PDE4B: variants seen among roughly 807,000 people sequenced by gnomAD.
PDE4B encodes phosphodiesterase 4B, also known as 3',5'-cyclic-AMP phosphodiesterase 4B.
PDE4B carries 20 observed loss-of-function variants against 82.2 expected under a neutral mutation model. The observed-to-expected ratio is 0.24, with a 90% CI of 0.17 to 0.35. The LOEUF (loss-of-function observed/expected upper bound fraction) is 0.35, where lower values mean the gene tolerates loss of function less well. Among genes scored for constraint, PDE4B ranks in the 10% least tolerant of loss-of-function variants. The pLI is 1.00. For missense variants in PDE4B, 655 were observed against 907.2 expected (o/e 0.72, Z 3.57); for synonymous variants, 320 against 318.9 (o/e 1.00, Z -0.04).
intron 1 of PDE4B, among the ~76,000 whole-genome samples, chr1:65,799,838 T>C (rs2101158898): frequency 6.6e-6 from 1 of 152,292 alleles, no homozygotes; most frequent in Admixed American, 6.5e-5. Context: ...CAGTGCTTGC[T>C]CTCTCCTCCC....
intron 13 of PDE4B, among the ~76,000 whole-genome samples, chr1:66,367,140 C>G (rs1208408361): frequency 1.3e-5 from 2 of 151,996 alleles, no homozygotes; most frequent in African/African-American, 2.4e-5. Flanking sequence ...AGAATTGTTC[C>G]CAAAAAGTAG....
chr1:66,304,031 C>A (rs1451919789), intron 7 of PDE4B, among the ~76,000 whole-genome samples: 1 of 152,124 alleles, frequency 6.6e-6, no homozygotes, highest in Non-Finnish European at 1.5e-5. Context: ...AGATGATGAG[C>A]AAGACCTAGG....
chr1:65,961,643 A>T (rs1249118349), intron 3 of PDE4B, among the ~76,000 whole-genome samples: 4 of 152,176 alleles, frequency 2.6e-5, no homozygotes, highest in Non-Finnish European at 4.4e-5. Context: ...TGGTGAGGCA[A>T]CGGTTTGTCT....
intron 3 of PDE4B, among the ~76,000 whole-genome samples, chr1:66,026,777 C>A (rs2100784412): frequency 6.6e-6 from 1 of 152,268 alleles, no homozygotes; most frequent in East Asian, 1.9e-4. Flanking sequence ...AGACTTTGGT[C>A]ACAAAACAAA....
chr1:66,278,470 T>TGCAAGGCTATGTG (rs1656054123), intron 7 of PDE4B, among the ~76,000 whole-genome samples: 1 of 152,178 alleles, frequency 6.6e-6, no homozygotes, highest in Non-Finnish European at 1.5e-5. Context: ...TATGTGACTA[T>TGCAAGGCTATGTG]CTCTCTGGAA....
At chr1:65,828,424 T>C (rs991658436) in intron 1 of PDE4B, among the ~76,000 whole-genome samples, 3 of 151,998 alleles carry the variant, frequency 2.0e-5, no homozygotes, top group Non-Finnish European at 4.4e-5. Context: ...TTTTGTATTT[T>C]TAGTAGAGAC....
intron 3 of PDE4B, among the ~76,000 whole-genome samples, chr1:65,943,466 T>G (rs200260949): frequency 1.3e-5 from 2 of 152,026 alleles, no homozygotes; most frequent in East Asian, 3.9e-4. Flanking sequence ...TTGCTTAAGA[T>G]TGCTTTAGCT....
chr1:66,244,662 T>C (rs949136344), intron 3 of PDE4B, among the ~76,000 whole-genome samples: 12 of 152,192 alleles, frequency 7.9e-5, no homozygotes, highest in Non-Finnish European at 1.8e-4. Flanking sequence ...TGTACATCTG[T>C]GTTGGTTGCT....
chr1:66,334,658 C>T (rs988372641), intron 8 of PDE4B, among the ~76,000 whole-genome samples: 1 of 152,210 alleles, frequency 6.6e-6, no homozygotes, highest in Admixed American at 6.5e-5. Flanking sequence ...TCAGGGAAAG[C>T]AATTATTTAG....
chr1:65,830,780 A>G (rs750246312), intron 1 of PDE4B, among the ~76,000 whole-genome samples: 28 of 152,152 alleles, frequency 1.8e-4, no homozygotes, highest in Non-Finnish European at 3.5e-4. Context: ...TGGACATACT[A>G]GTGAAATTTG....
intron 1 of PDE4B, among the ~76,000 whole-genome samples, chr1:65,820,071 T>C (rs1335792564): frequency 6.6e-6 from 1 of 152,190 alleles, no homozygotes; most frequent in Non-Finnish European, 1.5e-5. Flanking sequence ...GTTTTCAGAT[T>C]TAATCAAACT....
intron 1 of PDE4B, among the ~76,000 whole-genome samples, chr1:65,895,748 A>G (rs1646902542): frequency 6.6e-6 from 1 of 151,338 alleles, no homozygotes; most frequent in African/African-American, 2.4e-5. Context: ...CTAATTTCCC[A>G]TTAGGCATTA....
chr1:66,112,012 T>A (rs910143918), intron 3 of PDE4B, among the ~76,000 whole-genome samples: 13 of 152,100 alleles, frequency 8.5e-5, no homozygotes, highest in African/African-American at 2.9e-4. Flanking sequence ...ACCTTTGCAT[T>A]TTGTTCAAGG....
chr1:66,217,592 G>A (rs1650567152), intron 3 of PDE4B, among the ~76,000 whole-genome samples: 1 of 152,126 alleles, frequency 6.6e-6, no homozygotes, highest in Non-Finnish European at 1.5e-5. Context: ...GATGGAAAAT[G>A]GATTGGAGGG....
chr1:66,116,840 C>T (rs538497), intron 3 of PDE4B, among the ~76,000 whole-genome samples: 69,536 of 151,988 alleles, frequency 0.46, 16,466 homozygotes, highest in Non-Finnish European at 0.5. Flanking sequence ...GCTAGGATTA[C>T]GTGGGTGAGC....
chr1:65,816,243 TAGAG>T (rs71058432), intron 1 of PDE4B, among the ~76,000 whole-genome samples: 1 of 141,824 alleles, frequency 7.1e-6, no homozygotes, highest in African/African-American at 2.6e-5. Flanking sequence ...GAGAGAGAGA[TAGAG>T]AGATTTGGTT....
At position 65,899,200 on chromosome 1, in the gene PDE4B, A is replaced by G. The variant is rs190284284; in HGVS notation, c.-70-14045A>G. Among the ~76,000 whole-genome samples the G allele has an allele frequency of 3.1e-3, 475 of 152,306 alleles. 5 individuals carry two copies. Among genetic ancestry groups the G allele is most frequent in the African/African-American group, 0.011 (446 of 41,574 alleles). On this transcript the variant is annotated intron_variant, in intron 1 of 16. Transcript: ENST00000341517. ...TCAAAAGAATATGTACAATTGGCCA[A>G]CAAACATGTGAAAAAATGCTCAACA... is the stretch of plus-strand genomic sequence containing the variant.
chr1:66,154,661 G>C (rs886696849), intron 3 of PDE4B, among the ~76,000 whole-genome samples: 1 of 152,162 alleles, frequency 6.6e-6, no homozygotes, highest in Non-Finnish European at 1.5e-5. Context: ...AAGTGGAAAG[G>C]TGGCTACACA....
chr1:65,992,785 C>T, intron 3 of PDE4B: 8 of 1,426,888 alleles, frequency 5.6e-6, no homozygotes, highest in Non-Finnish European at 7.3e-6. Context: ...ATTGGAGTCA[C>T]AGCTTCGTAA....
Sources: gnomAD v4.1 joint callset for allele counts (sites outside exome capture counted in the v4.1 genomes callset) on GRCh38, gnomAD v4.1.1 for gene constraint, MANE v1.5 for transcripts, NCBI Gene and HGNC (gene_info 2026-07-23, HGNC 2026-07-21) for gene names.